ACTN4: variants seen among roughly 807,000 people sequenced by gnomAD.
ACTN4 encodes actinin alpha 4, also known as alpha-actinin-4.
A neutral mutation model predicts 114.2 loss-of-function variants in ACTN4; 18 were observed. The observed-to-expected ratio is 0.16, with a 90% CI of 0.11 to 0.23. The LOEUF is 0.23. ACTN4 is among the 10% of genes least tolerant of loss of function. ACTN4 has a pLI of 1.00. For missense variants in ACTN4, 722 were observed against 1,262.9 expected (o/e 0.57, Z 6.49); for synonymous variants, 515 against 506.3 (o/e 1.02, Z -0.23).
rs573020950 is a variant in ACTN4 at position 38,717,916 on chromosome 19, C to A, written c.1144-11C>A. ...CTTGTGATAGCCCTGCCTGCTCCTGCCCTGCCCCAGGACATCAACAATGGC... is the reference window on the plus strand; with the variant it reads ...CTTGTGATAGCCCTGCCTGCTCCTGACCTGCCCCAGGACATCAACAATGGC... On this transcript the variant is annotated splice_polypyrimidine_tract_variant and intron_variant, in intron 10 of 20. Coordinates refer to ENST00000252699, the MANE Select transcript of ACTN4 (RefSeq NM_004924.6). The surrounding 1 kb of genome is among the most constrained non-coding windows in gnomAD (Gnocchi z 4.0). The A allele has an allele frequency of 1.1e-4, 171 of 1,585,466 alleles. No individual in the cohort carries two copies. Among genetic ancestry groups the A allele is most frequent in the Non-Finnish European group, 1.5e-4 (169 of 1,165,088 alleles).
At chr19:38,696,050 T>C (rs1188950374) in intron 1 of ACTN4, among the ~76,000 whole-genome samples, 1 of 152,156 alleles carries the variant, frequency 6.6e-6, no homozygotes, top group Non-Finnish European at 1.5e-5. Context: ...CCTCCAGAGA[T>C]GATTACGAGG....
At chr19:38,681,974 G>A (rs1719655196) in intron 1 of ACTN4, among the ~76,000 whole-genome samples, 1 of 152,152 alleles carries the variant, frequency 6.6e-6, no homozygotes, top group African/African-American at 2.4e-5. Context: ...GGGACCACAG[G>A]GGCCTACCAC....
At chr19:38,652,291 A>T (rs1287678530) in intron 1 of ACTN4, among the ~76,000 whole-genome samples, 1 of 152,136 alleles carries the variant, frequency 6.6e-6, no homozygotes, top group Non-Finnish European at 1.5e-5. Flanking sequence ...TGTAAGAGGG[A>T]TAGGGGAGGC....
intron 1 of ACTN4, among the ~76,000 whole-genome samples, chr19:38,696,000 C>T (rs559922700): frequency 1.3e-5 from 2 of 152,202 alleles, no homozygotes; most frequent in South Asian, 2.1e-4. Context: ...TCAGGCCCTC[C>T]GTTTCCTCAT....
intron 1 of ACTN4, among the ~76,000 whole-genome samples, chr19:38,660,025 T>C (rs528917959): frequency 6.6e-6 from 1 of 151,826 alleles, no homozygotes; most frequent in Admixed American, 6.6e-5. Flanking sequence ...ATTCAAGCTA[T>C]TATTCTCCTG....
intron 1 of ACTN4, among the ~76,000 whole-genome samples, chr19:38,660,315 C>T (rs901235885): frequency 2.0e-5 from 3 of 152,004 alleles, no homozygotes; most frequent in African/African-American, 7.2e-5. Context: ...GGATTATGTG[C>T]AATAAATTAA....
At chr19:38,673,693 ATATATATTTATATATT>A (rs71165568) in intron 1 of ACTN4, among the ~76,000 whole-genome samples, 1 of 79,642 alleles carries the variant, frequency 1.3e-5, no homozygotes, top group African/African-American at 5.0e-5. Flanking sequence ...TATATATATT[ATATATATTTATATATT>A]TATATATTTA....
intron 9 of ACTN4, among the ~76,000 whole-genome samples, chr19:38,714,804 A>T (rs1487052618): frequency 6.6e-6 from 1 of 152,180 alleles, no homozygotes; most frequent in Non-Finnish European, 1.5e-5. Context: ...TTGGGTTCCT[A>T]CAGAGATGCT....
At chr19:38,675,602 C>T (rs978528134) in intron 1 of ACTN4, among the ~76,000 whole-genome samples, 3 of 152,198 alleles carry the variant, frequency 2.0e-5, no homozygotes, top group Admixed American at 6.5e-5. Flanking sequence ...CATCTTGAGC[C>T]GCGTTCTTGA....
intron 1 of ACTN4, among the ~76,000 whole-genome samples, chr19:38,658,580 C>T (rs1467553412): frequency 6.6e-6 from 1 of 152,184 alleles, no homozygotes; most frequent in East Asian, 1.9e-4. Context: ...TTGGCTGTTA[C>T]TGGTATGCCT....
In ACTN4 at chr19:38,682,893, C is replaced by A. The variant is rs144212843; in HGVS notation, c.163-17707C>A. Among the ~76,000 whole-genome samples, 368 of 152,294 alleles carry A rather than the reference C, an allele frequency of 2.4e-3. 2 individuals are homozygous for A. Among genetic ancestry groups the A allele is most frequent in the African/African-American group, 8.4e-3 (350 of 41,562 alleles). The stretch of plus-strand genomic sequence containing the variant: ...TCTCCACTGAGAGGCCTTTCCTGAC[C>A]TGCTGAGCTTGATTCCCTCCCCTCC... On this transcript the variant is annotated intron_variant, in intron 1 of 20. Transcript: ENST00000252699.
chr19:38,667,764 G>A (rs537988134), intron 1 of ACTN4, among the ~76,000 whole-genome samples: 9 of 151,404 alleles, frequency 5.9e-5, no homozygotes, highest in Non-Finnish European at 1.2e-4. Flanking sequence ...TGGCATCTCT[G>A]AGTCGCTAAT....
At chr19:38,688,411 A>AAAC (rs1017381382) in intron 1 of ACTN4, among the ~76,000 whole-genome samples, 25 of 148,586 alleles carry the variant, frequency 1.7e-4, no homozygotes, top group Non-Finnish European at 3.3e-4. Context: ...AAAAAAAAAA[A>AAAC]CCCACAAAAA....
intron 1 of ACTN4, among the ~76,000 whole-genome samples, chr19:38,676,618 G>A (rs760136598): frequency 6.6e-6 from 1 of 152,206 alleles, no homozygotes; most frequent in Non-Finnish European, 1.5e-5. Flanking sequence ...CTCTGGGGCC[G>A]GATGTGGAAG....
chr19:38,730,891 AGG>A lies in ACTN4; in HGVS notation c.*1460_*1461del. The A allele has an allele frequency of 6.4e-7, 1 of 1,551,590 alleles. No homozygotes were observed. On this transcript the variant is annotated 3_prime_UTR_variant, in exon 21 of 21. Transcript: ENST00000252699. ...CCACCTCCATCCACTAAGGAAGAGA[AGG>A]AAGACAGTGGCTTGAGGCAGGGAGC...
intron 1 of ACTN4, among the ~76,000 whole-genome samples, chr19:38,698,380 T>C (rs762975019): frequency 5.3e-5 from 8 of 152,054 alleles, no homozygotes; most frequent in Admixed American, 2.6e-4. Flanking sequence ...AATTCAGTAT[T>C]GTATGGGGGA....
Position 38,714,442 on chromosome 19 carries a change from C to T in ACTN4, c.820-27C>T, listed in dbSNP as rs530530825. The T allele has an allele frequency of 1.0e-4, 166 of 1,610,446 alleles. 3 individuals are homozygous for T. The East Asian group carries it at 2.2e-3, about 21-fold the overall frequency. On this transcript the variant is annotated intron_variant, in intron 8 of 20. Coordinates refer to ENST00000252699, the MANE Select transcript of ACTN4 (RefSeq NM_004924.6). ...GGAGGGAGGGTGGCCAGCCCCCAGGCAGCCCTGACTGTGTGCTCCCCTCCA... is the reference window on the plus strand; with the variant it reads ...GGAGGGAGGGTGGCCAGCCCCCAGGTAGCCCTGACTGTGTGCTCCCCTCCA...
At chr19:38,703,017 T>C (rs1310744663) in intron 3 of ACTN4, among the ~76,000 whole-genome samples, 1 of 152,116 alleles carries the variant, frequency 6.6e-6, no homozygotes, top group Admixed American at 6.5e-5. Flanking sequence ...CTGTCTTCTT[T>C]GGAAGCCACT....
At chr19:38,710,162 C>T (rs763637964) in intron 7 of ACTN4, 95 bp from the exon 8 acceptor site, 4 of 1,343,096 alleles carry the variant, frequency 3.0e-6, no homozygotes, top group South Asian at 1.2e-5. Flanking sequence ...CCCTCTCCCC[C>T]AAGGCCGTGG....
Sources: allele counts gnomAD v4.1 joint callset (sites outside exome capture counted in the v4.1 genomes callset), GRCh38; gene constraint gnomAD v4.1.1; non-coding constraint Gnocchi (gnomAD v3.1); transcripts MANE v1.5; gene names NCBI Gene and HGNC (gene_info 2026-07-23, HGNC 2026-07-21).